The following KIRREL3 variants were observed in gnomAD, a reference collection of about 807,000 sequenced individuals.
The protein encoded by KIRREL3 is kin of IRRE-like protein 3.
In KIRREL3, 36 loss-of-function variants were observed where a neutral mutation model predicts 89.7. That is an observed-to-expected ratio of 0.40 (90% CI 0.31 to 0.53). KIRREL3 has a LOEUF of 0.53. Ranked by LOEUF, KIRREL3 falls within the 20% of genes least tolerant of loss-of-function variation. The pLI is 0.49. For synonymous variants in KIRREL3, 445 were observed against 441.4 expected (o/e 1.01, Z -0.10); for missense variants, 864 against 1,056.6 (o/e 0.82, Z 2.53).
At position 126,955,498 on chromosome 11, in the gene KIRREL3, C is replaced by T. The variant is rs536112723; in HGVS notation, c.55+44957G>A. On this transcript the variant is annotated intron_variant, in intron 1 of 16. Coordinates refer to ENST00000525144, the MANE Select transcript of KIRREL3 (RefSeq NM_032531.4). The surrounding 1 kb of genome is among the most constrained non-coding windows in gnomAD (Gnocchi z 4.6). ...CCTCCCTTCCCTGCATGGCAAGGCACGAAGGTGGTCTGATGTGGATTCCAG... is the reference window on the plus strand; with the variant it reads ...CCTCCCTTCCCTGCATGGCAAGGCATGAAGGTGGTCTGATGTGGATTCCAG... 5.9e-5 allele frequency among the ~76,000 whole-genome samples: 9 copies of T among 152,288 alleles called. No individual in the cohort carries two copies. Among genetic ancestry groups the T allele is most frequent in the South Asian group, 2.1e-4 (1 of 4,824 alleles).
Position 126,495,440 on chromosome 11 carries a change from TC to T in KIRREL3, c.434-21975del, listed in dbSNP as rs139171516. On this transcript the variant is annotated intron_variant, in intron 4 of 16. Transcript: ENST00000525144. The surrounding 1 kb of genome is among the most constrained non-coding windows in gnomAD (Gnocchi z 6.5). ...GTGGTTCTGCTTTCTCCCCAAAGCCTCCCTCGACTGTCTGTGTTCCTCGTCT... is the reference window on the plus strand; with the variant it reads ...GTGGTTCTGCTTTCTCCCCAAAGCCTCCTCGACTGTCTGTGTTCCTCGTCT... Among the ~76,000 whole-genome samples, 3,052 of 152,226 alleles carry T rather than the reference TC, an allele frequency of 0.02. 44 individuals are homozygous for T. Among genetic ancestry groups the T allele is most frequent in the Middle Eastern group, 0.048 (14 of 294 alleles).
rs1958765469 is a variant in KIRREL3 at position 126,526,642 on chromosome 11, A to C, written c.179T>G (p.Val60Gly). 1 of 1,586,074 alleles carries C rather than the reference A, an allele frequency of 6.3e-7. No individual in the cohort carries two copies. The highest frequency in any genetic ancestry group is 1.3e-5 in the African/African-American group (1 of 74,238). ...FSQQPQDQVVVSGQPVTLLCA... is the reference protein window; with the variant it reads ...FSQQPQDQVVGSGQPVTLLCA... ...AAGTAGCGTCACTGGCTGTCCCGAC[A>C]CCACCACCTGGTCCTGGGGCTGCTG... The change falls in exon 3 of 17, where the codon GTG becomes GGG. Residue 60 changes from valine to glycine, a missense_variant. Coordinates refer to ENST00000525144, the MANE Select transcript of KIRREL3 (RefSeq NM_032531.4). The surrounding 1 kb of genome is among the most constrained non-coding windows in gnomAD (Gnocchi z 5.7).
intron 10 of KIRREL3, among the ~76,000 whole-genome samples, chr11:126,442,278 AAAAAAC>A (rs1254314546): frequency 0.11 from 16,009 of 140,336 alleles, 2,514 homozygotes; most frequent in Admixed American, 0.19. Context: ...AAAAACAAAA[AAAAAAC>A]AAAAAACCCA....
chr11:126,964,249 C>T (rs1026220496), intron 1 of KIRREL3, among the ~76,000 whole-genome samples: 18 of 152,134 alleles, frequency 1.2e-4, no homozygotes, highest in African/African-American at 4.3e-4. Flanking sequence ...TATTCATAAT[C>T]TGGGGTGAAA....
rs928203731 is a variant in KIRREL3, at chr11:126,981,444, G to A, written c.55+19011C>T. Among the ~76,000 whole-genome samples, 16 of 152,106 alleles carry A rather than the reference G, an allele frequency of 1.1e-4. No homozygotes were observed. The highest frequency in any genetic ancestry group is 3.6e-4 in the African/African-American group (15 of 41,412). ...AAAATGCTCAGGAGGTGTTATATGT[G>A]GTGTAGCTTAGGATTCCAGGCAGAA... is the stretch of plus-strand genomic sequence containing the variant. On this transcript the variant is annotated intron_variant, in intron 1 of 16. Transcript: ENST00000525144. The surrounding 1 kb of genome is among the most constrained non-coding windows in gnomAD (Gnocchi z 4.2).
chr11:126,894,834 G>A (rs1002460292), intron 1 of KIRREL3, among the ~76,000 whole-genome samples: 5 of 152,136 alleles, frequency 3.3e-5, no homozygotes, highest in Non-Finnish European at 7.3e-5. Flanking sequence ...TCTATTCAGT[G>A]GGGATCAGGA....
intron 1 of KIRREL3, among the ~76,000 whole-genome samples, chr11:126,674,231 T>C (rs999885526): frequency 9.2e-5 from 14 of 152,352 alleles, no homozygotes; most frequent in Admixed American, 3.3e-4. Context: ...CTGTATCTTC[T>C]GCTTCTCTGT....
chr11:126,477,444 G>T lies in KIRREL3; in HGVS notation c.434-3978C>A, dbSNP rs1957097665. Among the ~76,000 whole-genome samples, 1 of 152,180 alleles carries T rather than the reference G, an allele frequency of 6.6e-6. No homozygotes were observed. Among genetic ancestry groups the T allele is most frequent in the Non-Finnish European group, 1.5e-5 (1 of 68,032 alleles). On this transcript the variant is annotated intron_variant, in intron 4 of 16. Coordinates refer to ENST00000525144, the MANE Select transcript of KIRREL3 (RefSeq NM_032531.4). The surrounding 1 kb of genome is among the most constrained non-coding windows in gnomAD (Gnocchi z 4.8). The stretch of plus-strand genomic sequence containing the variant: ...GGTCTCGGGTGGACAGGTGGCATGG[G>T]GAGAGGGAAATTGAGGCCAGAGAGC...
At chr11:126,464,100 A>G (rs1354492970) in intron 5 of KIRREL3, among the ~76,000 whole-genome samples, 2 of 152,096 alleles carry the variant, frequency 1.3e-5, no homozygotes, top group African/African-American at 4.8e-5. Context: ...CTTATTTGGG[A>G]ATAGGGTCTT....
At chr11:126,625,057 TC>T (rs1221285123) in intron 1 of KIRREL3, among the ~76,000 whole-genome samples, 1 of 152,146 alleles carries the variant, frequency 6.6e-6, no homozygotes, top group Admixed American at 6.5e-5. Flanking sequence ...GGGTGGGTTT[TC>T]TCCCCTCTCC....
Position 126,705,857 on chromosome 11 carries a change from G to T in KIRREL3, c.56-142945C>A, listed in dbSNP as rs1045799060. The stretch of plus-strand genomic sequence containing the variant: ...TAAAATGTTGAGAAAGTGATGCTGC[G>T]TAACTTCTGGGAAAAACTTTAAGAG... On this transcript the variant is annotated intron_variant, in intron 1 of 16. Transcript: ENST00000525144. The surrounding 1 kb of genome is among the most constrained non-coding windows in gnomAD (Gnocchi z 4.3). Among the ~76,000 whole-genome samples, 1 of 152,170 alleles carries T rather than the reference G, an allele frequency of 6.6e-6. No homozygotes were observed. Among genetic ancestry groups the T allele is most frequent in the Admixed American group, 6.5e-5 (1 of 15,272 alleles).
rs762792587 is a variant in KIRREL3 at position 126,449,072 on chromosome 11, C to T, written c.934G>A (p.Val312Ile). The T allele has an allele frequency of 1.2e-5, 19 of 1,613,840 alleles. No homozygotes were observed. Among genetic ancestry groups the T allele is most frequent in the African/African-American group, 9.3e-5 (7 of 74,934 alleles). ...TVDYTYFSEP[V>I]SCEVTNALGS... ...AGGGCGTTGGTCACCTCACAGGAGA[C>T]GGGCTCTGAGAAGTACGTGTAGTCC... Residue 312 changes from valine to isoleucine, a missense_variant, in exon 8 of 17, where the codon GTC (valine) becomes ATC (isoleucine). Transcript: ENST00000525144.
Position 126,578,866 on chromosome 11 carries a change from C to T in KIRREL3, c.56-15954G>A, listed in dbSNP as rs541499101. Among the ~76,000 whole-genome samples, 1 of 152,102 alleles carries T rather than the reference C, an allele frequency of 6.6e-6. No individual in the cohort carries two copies. The highest frequency in any genetic ancestry group is 6.5e-5 in the Admixed American group (1 of 15,276). On this transcript the variant is annotated intron_variant, in intron 1 of 16. Coordinates refer to ENST00000525144, the MANE Select transcript of KIRREL3 (RefSeq NM_032531.4). This position sits in a 1 kb window ranked among gnomAD's most constrained non-coding sequence, Gnocchi z 4.9. ...TGAAAATAAGCCATCACGTATTGAC[C>T]ATCTGTCAGCAAGTATCTACCCTGC... is the stretch of plus-strand genomic sequence containing the variant.
rs552066400 is a variant in KIRREL3, at chr11:126,795,526, C to T, written c.55+204929G>A. 1.3e-5 allele frequency among the ~76,000 whole-genome samples: 2 copies of T among 152,188 alleles called. No homozygotes were observed. Among genetic ancestry groups the T allele is most frequent in the South Asian group, 4.2e-4 (2 of 4,806 alleles). The stretch of plus-strand genomic sequence containing the variant: ...CTAGGACTACAGGCGTGTGCCACCA[C>T]ACCTGGCTAATTTTTTTAAAATATA... On this transcript the variant is annotated intron_variant, in intron 1 of 16. Coordinates refer to ENST00000525144, the MANE Select transcript of KIRREL3 (RefSeq NM_032531.4). This position sits in a 1 kb window ranked among gnomAD's most constrained non-coding sequence, Gnocchi z 4.1.
intron 1 of KIRREL3, among the ~76,000 whole-genome samples, chr11:126,593,022 G>A (rs1942222937): frequency 6.6e-6 from 1 of 152,150 alleles, no homozygotes; most frequent in Non-Finnish European, 1.5e-5. Flanking sequence ...CTTGCACAAA[G>A]GGCTTCTAGG....
intron 12 of KIRREL3, among the ~76,000 whole-genome samples, chr11:126,436,147 C>T (rs1466453860): frequency 6.6e-6 from 1 of 152,152 alleles, no homozygotes; most frequent in Non-Finnish European, 1.5e-5. Flanking sequence ...TGGGGTGAGG[C>T]TTGTTCCTCC....
At position 126,772,277 on chromosome 11, in the gene KIRREL3, A is replaced by AT. The variant is rs375674840; in HGVS notation, c.56-209366dup. Among the ~76,000 whole-genome samples the AT allele has an allele frequency of 6.5e-4, 99 of 152,298 alleles. No individual in the cohort carries two copies. Among genetic ancestry groups the AT allele is most frequent in the African/African-American group, 2.3e-3 (97 of 41,562 alleles). On this transcript the variant is annotated intron_variant, in intron 1 of 16. Transcript: ENST00000525144. This position sits in a 1 kb window ranked among gnomAD's most constrained non-coding sequence, Gnocchi z 4.6. ...AGGGGAATTGAGGAAGAATGTCAAT[A>AT]TTTTTTGGGTCAATGTTTGTAAGAC...
In KIRREL3 at chr11:126,973,220, T is replaced by C. The variant is rs187357024; in HGVS notation, c.55+27235A>G. Among the ~76,000 whole-genome samples the C allele has an allele frequency of 2.0e-5, 3 of 152,276 alleles. No individual in the cohort carries two copies. The East Asian group carries it at 5.8e-4, about 29-fold the overall frequency. On this transcript the variant is annotated intron_variant, in intron 1 of 16. Coordinates refer to ENST00000525144, the MANE Select transcript of KIRREL3 (RefSeq NM_032531.4). ...CCTGGCATACAATTCCACTCATTTT[T>C]ATGCTGAGGGAGTCTTCTTAGGGCT...
In KIRREL3 at chr11:126,991,467, C is replaced by T. The variant is rs1950033047; in HGVS notation, c.55+8988G>A. Among the ~76,000 whole-genome samples, 1 of 147,106 alleles carries T rather than the reference C, an allele frequency of 6.8e-6. No homozygotes were observed. Among genetic ancestry groups the T allele is most frequent in the Admixed American group, 6.7e-5 (1 of 14,936 alleles). On this transcript the variant is annotated intron_variant, in intron 1 of 16. Coordinates refer to ENST00000525144, the MANE Select transcript of KIRREL3 (RefSeq NM_032531.4). The surrounding 1 kb of genome is among the most constrained non-coding windows in gnomAD (Gnocchi z 5.8). ...GCAAAGTCCCTGCCTTTGCTTCCTTCCTTTTTATTATTATTATTATTATTA... is the reference window on the plus strand; with the variant it reads ...GCAAAGTCCCTGCCTTTGCTTCCTTTCTTTTTATTATTATTATTATTATTA...
Sources: allele counts gnomAD v4.1 joint callset (sites outside exome capture counted in the v4.1 genomes callset), GRCh38; gene constraint gnomAD v4.1.1; non-coding constraint Gnocchi (gnomAD v3.1); transcripts MANE v1.5; gene names NCBI Gene and HGNC (gene_info 2026-07-23, HGNC 2026-07-21).